Variants in GALK2 observed in about 807,000 individuals in gnomAD.
The protein encoded by GALK2 is N-acetylgalactosamine kinase.
A neutral mutation model predicts 52.4 loss-of-function variants in GALK2; 36 were observed. The ratio of observed to expected loss-of-function variants is 0.69; its 90% CI spans 0.53 to 0.91. The LOEUF (loss-of-function observed/expected upper bound fraction) is 0.91, where lower values mean the gene tolerates loss of function less well. GALK2 is among the 40% of genes least tolerant of loss of function. GALK2 has a pLI of 0.00. For missense variants in GALK2, 579 were observed against 559.1 expected, an observed-to-expected ratio of 1.04 and a Z score of -0.36; for synonymous variants, 176 against 199.1, an observed-to-expected ratio of 0.88 and a Z score of 0.98.
In GALK2 at chr15:49,322,830, G is replaced by A. The variant is rs112285041; in HGVS notation, c.1169+3025G>A. Among the ~76,000 whole-genome samples the A allele has an allele frequency of 3.9e-3, 599 of 151,978 alleles. 6 individuals are homozygous for A. The highest frequency in any genetic ancestry group is 0.014 in the African/African-American group (564 of 41,462). Reference sequence around the variant, plus strand: ...AAATTAGCCGAGCGTGGCGGCATGCGCCTGTAGTCCCAGCTACTCGGGAGG... The same window carrying A: ...AAATTAGCCGAGCGTGGCGGCATGCACCTGTAGTCCCAGCTACTCGGGAGG... On this transcript the variant is annotated intron_variant, in intron 9 of 9. Transcript: ENST00000560031.
At chr15:49,258,942 G>C (rs2091952238) in intron 5 of GALK2, among the ~76,000 whole-genome samples, 1 of 151,402 alleles carries the variant, frequency 6.6e-6, no homozygotes, top group South Asian at 2.1e-4. Flanking sequence ...CTGCATAAAT[G>C]TCTTCTTTTG....
At chr15:49,354,128 A>G (rs1321329343) in intron 3 of GALK2, 1 of 152,070 alleles carries the variant, frequency 6.6e-6, no homozygotes, top group Non-Finnish European at 1.5e-5. Flanking sequence ...TATAGCTTTT[A>G]TTTTTATGCT....
At position 49,235,876 on chromosome 15, in the gene GALK2, A is replaced by G. The variant is rs1250869568; in HGVS notation, c.292A>G (p.Ile98Val). Residue 98 changes from isoleucine to valine, a missense_variant, in exon 4 of 10, where the codon ATC becomes GTC. Coordinates refer to ENST00000560031, the MANE Select transcript of GALK2 (RefSeq NM_002044.4). Reference sequence around the variant, plus strand: ...GGACTTCAGTACTAGTGCTAATAACATCCAGATTGATAAAACCAAGCCTTT... The same window carrying G: ...GGACTTCAGTACTAGTGCTAATAACGTCCAGATTGATAAAACCAAGCCTTT... ...YPDFSTSANN[I>V]QIDKTKPLWH... is the part of the protein sequence containing the mutation. 1 of 1,613,288 alleles carries G rather than the reference A, an allele frequency of 6.2e-7. No homozygotes were observed. Among genetic ancestry groups the G allele is most frequent in the Admixed American group, 1.7e-5 (1 of 60,018 alleles).
intron 3 of GALK2, among the ~76,000 whole-genome samples, chr15:49,346,396 T>C (rs914991314): frequency 6.6e-6 from 1 of 152,144 alleles, no homozygotes; most frequent in Non-Finnish European, 1.5e-5. Flanking sequence ...ATTTTCCCCA[T>C]TGCCAATCAC....
intron 8 of GALK2, among the ~76,000 whole-genome samples, chr15:49,299,782 T>TC (rs1475291603): frequency 3.4e-5 from 5 of 145,312 alleles, no homozygotes; most frequent in Admixed American, 6.9e-5. Flanking sequence ...TTTCTTTCTT[T>TC]CTTTCTTTCT....
chr15:49,328,751 C>T lies in GALK2; in HGVS notation c.*592C>T. 2 of 1,488,626 alleles carry T rather than the reference C, an allele frequency of 1.3e-6. No individual in the cohort carries two copies. The highest frequency in any genetic ancestry group is 1.4e-5 in the South Asian group (1 of 72,464). The allele number at this position is 1,488,626 out of a possible 1,614,324, so 92.2% of individuals were successfully genotyped here. A position where few individuals can be genotyped will look rare whatever the true frequency, so the allele number is the denominator to read the frequency against. On this transcript the variant is annotated 3_prime_UTR_variant, in exon 10 of 10. Coordinates refer to ENST00000560031, the MANE Select transcript of GALK2 (RefSeq NM_002044.4). ...ATAATTGAATTTGAATGTGAGATTT[C>T]TCCAGTTATCAAGAGACTAAGGATT...
chr15:49,268,386 T>A (rs1204782951), intron 5 of GALK2, among the ~76,000 whole-genome samples: 1 of 152,220 alleles, frequency 6.6e-6, no homozygotes, highest in Non-Finnish European at 1.5e-5. Context: ...AATTACTCAT[T>A]TTTTAAAGTC....
At chr15:49,258,794 ATGTGTGTG>A (rs35306007) in intron 5 of GALK2, among the ~76,000 whole-genome samples, 62 of 103,786 alleles carry the variant, frequency 6.0e-4, no homozygotes, top group Middle Eastern at 4.9e-3. Flanking sequence ...ATATATATAT[ATGTGTGTG>A]TGTGTGTGTG....
exon 4 of GALK2, chr15:49,367,599 T>A (rs1350378381): frequency 1.3e-6 from 2 of 1,570,074 alleles, no homozygotes; most frequent in Middle Eastern, 1.7e-4. Context: ...CCAGTACTAC[T>A]ATAGTGCGAC....
intron 5 of GALK2, among the ~76,000 whole-genome samples, chr15:49,246,492 A>G (rs2091357474): frequency 6.6e-6 from 1 of 152,172 alleles, no homozygotes; most frequent in Admixed American, 6.6e-5. Context: ...GTTGAGCTGC[A>G]TCCCCCATAC....
Position 49,329,302 on chromosome 15 carries a change from A to G in GALK2, c.*1143A>G, listed in dbSNP as rs2038136467. 1 of 985,458 alleles carries G rather than the reference A, an allele frequency of 1.0e-6. No individual in the cohort carries two copies. The highest frequency in any genetic ancestry group is 1.2e-6 in the Non-Finnish European group (1 of 829,956). 61.0% of individuals were successfully genotyped at this position (985,458 alleles called of 1,614,324 possible). On this transcript the variant is annotated 3_prime_UTR_variant, in exon 10 of 10. Transcript: ENST00000560031. ...GCAAATGACTGGCTTTCTCTTGTGG[A>G]TGGACTATAGGAAGCACTTTCTGAA... is the stretch of plus-strand genomic sequence containing the variant.
intron 2 of GALK2, among the ~76,000 whole-genome samples, chr15:49,206,664 G>T (rs1034293515): frequency 6.6e-6 from 1 of 151,996 alleles, no homozygotes; most frequent in Non-Finnish European, 1.5e-5. Flanking sequence ...ATATAGAAGA[G>T]CTATATTTGT....
chr15:49,354,278 G>A (rs1226112434), intron 3 of GALK2, among the ~76,000 whole-genome samples: 1 of 152,216 alleles, frequency 6.6e-6, no homozygotes, highest in African/African-American at 2.4e-5. Flanking sequence ...CCGGTCTACA[G>A]CTCCCAGCGT....
Position 49,351,633 on chromosome 15 carries a change from C to T in GALK2, c.427-15858C>T, listed in dbSNP as rs535916456. On this transcript the variant is annotated intron_variant, in intron 3 of 3. Coordinates refer to the GALK2 transcript ENST00000558399. The stretch of plus-strand genomic sequence containing the variant: ...AAGCGGACCTAAAGACAAAGATCAG[C>T]GTGTAGGAGGCTTATTTGAGTGCTC... 2.0e-3 allele frequency among the ~76,000 whole-genome samples: 311 copies of T among 152,236 alleles called. 2 individuals carry two copies. The highest frequency in any genetic ancestry group is 8.7e-3 in the South Asian group (42 of 4,824).
intron 1 of GALK2, among the ~76,000 whole-genome samples, chr15:49,174,330 A>G (rs886432311): frequency 2.6e-5 from 4 of 151,864 alleles, no homozygotes; most frequent in African/African-American, 9.7e-5. Flanking sequence ...TGGATTGCCT[A>G]TTTCTTGCTT....
At chr15:49,290,080 A>G (rs1293755555) in intron 7 of GALK2, among the ~76,000 whole-genome samples, 12 of 152,170 alleles carry the variant, frequency 7.9e-5, no homozygotes, top group Non-Finnish European at 1.6e-4. Flanking sequence ...AAAATAACCT[A>G]TAGCCCTGAC....
At chr15:49,157,804 C>T (rs1314239184) in intron 1 of GALK2, among the ~76,000 whole-genome samples, 1 of 152,156 alleles carries the variant, frequency 6.6e-6, no homozygotes, top group Non-Finnish European at 1.5e-5. Context: ...TGTACCAGTA[C>T]TAGGATCTTG....
At chr15:49,171,262 A>T (rs966220791) in intron 1 of GALK2, among the ~76,000 whole-genome samples, 1 of 151,516 alleles carries the variant, frequency 6.6e-6, no homozygotes, top group South Asian at 2.1e-4. Flanking sequence ...TTGTATTTTC[A>T]TCAGAGATGG....
intron 5 of GALK2, among the ~76,000 whole-genome samples, chr15:49,256,023 A>G (rs1450421160): frequency 1.3e-5 from 2 of 152,196 alleles, no homozygotes; most frequent in Non-Finnish European, 2.9e-5. Context: ...ATGTAATTTT[A>G]TACTGCCACT....
Sources: gnomAD v4.1 joint callset for allele counts (sites outside exome capture counted in the v4.1 genomes callset) on GRCh38, gnomAD v4.1.1 for gene constraint, MANE v1.5 for transcripts, NCBI Gene and HGNC (gene_info 2026-07-23, HGNC 2026-07-21) for gene names.